The following COL5A2 variants were observed in gnomAD, a reference collection of about 807,000 sequenced individuals.
COL5A2 encodes collagen alpha-2(V) chain.
A neutral mutation model predicts 208.2 loss-of-function variants in COL5A2; 23 were observed. The observed-to-expected ratio is 0.11, with a 90% CI of 0.08 to 0.16. The LOEUF is 0.16. Among genes scored for constraint, COL5A2 ranks in the 10% least tolerant of loss-of-function variants. The pLI, the probability that COL5A2 is intolerant of heterozygous loss-of-function variation, is 1.00. For synonymous variants in COL5A2, 625 were observed against 628.5 expected (o/e 0.99, Z 0.08); for missense variants, 1,590 against 1,956.4 (o/e 0.81, Z 3.53).
chr2:189,302,983 A>G, the COL5A2 span, among the ~76,000 whole-genome samples: 1 of 152,236 alleles, frequency 6.6e-6, no homozygotes, highest in East Asian at 1.9e-4. Flanking sequence ...TCAACTCAAT[A>G]TGAAAACAAA....
chr2:189,420,051 GGGAAGGAA>G, the COL5A2 span, among the ~76,000 whole-genome samples: 3 of 142,636 alleles, frequency 2.1e-5, no homozygotes, highest in Non-Finnish European at 4.6e-5. Context: ...AAGAAAGAGA[GGGAAGGAA>G]GGAAGGAAGG....
chr2:189,097,236 T>C (rs1194212046), intron 6 of COL5A2, 41 bp downstream of exon 6: 1 of 1,598,366 alleles, frequency 6.3e-7, no homozygotes, highest in Non-Finnish European at 8.6e-7. Context: ...GTAAACTGAC[T>C]GGCTGTACGT....
the COL5A2 span, among the ~76,000 whole-genome samples, chr2:189,287,047 C>T: frequency 3.9e-5 from 6 of 151,930 alleles, no homozygotes; most frequent in African/African-American, 1.4e-4. Flanking sequence ...TTTGAGACAA[C>T]CTGCCCAAAT....
At chr2:189,088,552 GTTAA>G in intron 8 of COL5A2, 139 bp downstream of exon 8, 1 of 588,342 alleles carries the variant, frequency 1.7e-6, no homozygotes, top group South Asian at 1.8e-5. Flanking sequence ...GAGTAAATAA[GTTAA>G]TTAAATGAAT....
chr2:189,331,009 G>A, the COL5A2 span, among the ~76,000 whole-genome samples: 2,968 of 152,096 alleles, frequency 0.02, 100 homozygotes, highest in African/African-American at 0.068. Flanking sequence ...ACAGACAAGA[G>A]TTTTAAAACA....
At chr2:189,221,214 G>C (rs1309472582) in intron 1 of COL5A2, among the ~76,000 whole-genome samples, 1 of 152,190 alleles carries the variant, frequency 6.6e-6, no homozygotes, top group South Asian at 2.1e-4. Flanking sequence ...AACACTCTGA[G>C]TTAGAAAAAA....
At chr2:189,326,465 C>G in the COL5A2 span, among the ~76,000 whole-genome samples, 2 of 151,714 alleles carry the variant, frequency 1.3e-5, no homozygotes, top group Non-Finnish European at 2.9e-5. Context: ...GAAGCCGAGG[C>G]CAGGAATTGG....
intron 1 of COL5A2, among the ~76,000 whole-genome samples, chr2:189,144,288 T>C (rs1687995791): frequency 6.6e-6 from 1 of 152,140 alleles, no homozygotes; most frequent in Non-Finnish European, 1.5e-5. Flanking sequence ...AACAAGTACA[T>C]AGTTGGGTAT....
At chr2:189,165,781 C>G (rs1366542580) in intron 1 of COL5A2, among the ~76,000 whole-genome samples, 1 of 152,150 alleles carries the variant, frequency 6.6e-6, no homozygotes, top group African/African-American at 2.4e-5. Context: ...GTAAAAAGCT[C>G]TATATGTAGA....
chr2:189,260,171 A>G, the COL5A2 span, among the ~76,000 whole-genome samples: 1 of 152,228 alleles, frequency 6.6e-6, no homozygotes, highest in African/African-American at 2.4e-5. Context: ...GCTATAAGCT[A>G]TGAAGTCTTT....
the COL5A2 span, among the ~76,000 whole-genome samples, chr2:189,415,875 T>A: frequency 6.6e-6 from 1 of 152,144 alleles, no homozygotes; most frequent in African/African-American, 2.4e-5. Context: ...TTAGCCAGGA[T>A]GGTCTCGATC....
the COL5A2 span, among the ~76,000 whole-genome samples, chr2:189,358,180 T>C: frequency 2.0e-5 from 3 of 151,920 alleles, no homozygotes; most frequent in Non-Finnish European, 4.4e-5. Context: ...GGCCATATGG[T>C]CAGCAGATCC....
At chr2:189,393,691 C>G in the COL5A2 span, among the ~76,000 whole-genome samples, 2 of 152,192 alleles carry the variant, frequency 1.3e-5, no homozygotes, top group African/African-American at 4.8e-5. Context: ...GAAGTGATAA[C>G]TGGATCTTTC....
At chr2:189,253,947 G>A in the COL5A2 span, among the ~76,000 whole-genome samples, 5 of 152,320 alleles carry the variant, frequency 3.3e-5, no homozygotes, top group African/African-American at 1.2e-4. Context: ...GAGCATAACT[G>A]TTTAATGATT....
chr2:189,182,277 GTAA>G (rs1229958886), upstream of COL5A2, among the ~76,000 whole-genome samples: 2 of 152,136 alleles, frequency 1.3e-5, no homozygotes, highest in Non-Finnish European at 2.9e-5. Flanking sequence ...TGTATGTTTT[GTAA>G]TAATATGTGC....
the COL5A2 span, among the ~76,000 whole-genome samples, chr2:189,353,305 AT>A: frequency 1.3e-5 from 2 of 151,924 alleles, no homozygotes; most frequent in Non-Finnish European, 2.9e-5. Flanking sequence ...ATTTAAAGTA[AT>A]TTTTTTCCAA....
the COL5A2 span, among the ~76,000 whole-genome samples, chr2:189,357,035 C>T: frequency 2.0e-5 from 3 of 152,138 alleles, no homozygotes; most frequent in Admixed American, 2.0e-4. Context: ...CACTCCAGAC[C>T]CTGTTTGCCT....
At chr2:189,235,701 C>T in the COL5A2 span, among the ~76,000 whole-genome samples, 1 of 151,700 alleles carries the variant, frequency 6.6e-6, no homozygotes, top group Non-Finnish European at 1.5e-5. Context: ...TATTTATTCA[C>T]TGTTCCATTC....
rs1469286154 is a variant in COL5A2 at position 189,061,603 on chromosome 2, C to T, written c.1990G>A (p.Glu664Lys). ...GPVGPPGLAG[E>K]RGEQGPPGPT... is the part of the protein sequence containing the mutation. Reference sequence around the variant, plus strand: ...CCTGGAGGTCCTTGTTCTCCTCTTTCACCAGCTAGACCCTAAGTTGTGAAG... The same window carrying T: ...CCTGGAGGTCCTTGTTCTCCTCTTTTACCAGCTAGACCCTAAGTTGTGAAG... Residue 664 changes from glutamate to lysine, a missense_variant, in exon 30 of 54, where the codon GAA (glutamate) becomes AAA (lysine). Transcript: ENST00000374866. 6.2e-7 allele frequency: 1 copy of T among 1,612,866 alleles called. No individual in the cohort carries two copies. Among genetic ancestry groups the T allele is most frequent in the Non-Finnish European group, 8.5e-7 (1 of 1,179,242 alleles).
Sources: allele counts gnomAD v4.1 joint callset (sites outside exome capture counted in the v4.1 genomes callset), GRCh38; gene constraint gnomAD v4.1.1; transcripts MANE v1.5; gene names NCBI Gene and HGNC (gene_info 2026-07-23, HGNC 2026-07-21).